The following SLC44A5 variants were observed in gnomAD, a reference collection of about 807,000 sequenced individuals.
The protein encoded by SLC44A5 is solute carrier family 44 member 5.
In SLC44A5, 57 loss-of-function variants were observed where a neutral mutation model predicts 101.8. That is an observed-to-expected ratio of 0.56 (90% CI 0.45 to 0.70). The LOEUF (loss-of-function observed/expected upper bound fraction) is 0.70. SLC44A5 is among the 30% of genes least tolerant of loss of function. The probability of loss-of-function intolerance (pLI) is 0.00; values close to 1 mark genes in which losing one functional copy is unlikely to be tolerated. For missense variants in SLC44A5, 737 were observed against 853.1 expected (o/e 0.86, Z 1.70); for synonymous variants, 281 against 290.9 (o/e 0.97, Z 0.35).
At chr1:75,510,150 A>G (rs577704941) in intron 2 of SLC44A5, among the ~76,000 whole-genome samples, 5 of 152,184 alleles carry the variant, frequency 3.3e-5, no homozygotes, top group Admixed American at 6.5e-5. Context: ...CCCATGAGAC[A>G]TGAGAATTAT....
chr1:75,332,392 C>A (rs187979425), intron 4 of SLC44A5, among the ~76,000 whole-genome samples: 1 of 152,188 alleles, frequency 6.6e-6, no homozygotes, highest in Admixed American at 6.5e-5. Flanking sequence ...TGTTTTAAGT[C>A]ATTTCACTTA....
intron 2 of SLC44A5, among the ~76,000 whole-genome samples, chr1:75,481,587 G>A (rs1309018771): frequency 5.3e-5 from 8 of 151,896 alleles, no homozygotes; most frequent in Non-Finnish European, 1.2e-4. Context: ...ATCAAAAGGT[G>A]GGCGAAGGAC....
chr1:75,569,684 A>G (rs1206801831), intron 1 of SLC44A5, among the ~76,000 whole-genome samples: 1 of 152,172 alleles, frequency 6.6e-6, no homozygotes, highest in East Asian at 1.9e-4. Flanking sequence ...TAAATGCTCA[A>G]AATAATATCA....
At chr1:75,489,329 C>G (rs374001834) in intron 2 of SLC44A5, among the ~76,000 whole-genome samples, 22 of 152,172 alleles carry the variant, frequency 1.4e-4, no homozygotes, top group African/African-American at 5.3e-4. Context: ...ATTTTTGCTC[C>G]TTAACTCTTG....
At chr1:75,483,571 A>C (rs994214386) in intron 2 of SLC44A5, among the ~76,000 whole-genome samples, 1 of 152,208 alleles carries the variant, frequency 6.6e-6, no homozygotes, top group African/African-American at 2.4e-5. Context: ...CCTTCTTTTT[A>C]ATGAAATAAG....
chr1:75,267,291 T>G (rs552155258), intron 6 of SLC44A5, among the ~76,000 whole-genome samples: 2 of 152,298 alleles, frequency 1.3e-5, no homozygotes, highest in South Asian at 2.1e-4. Context: ...AGAATTTGAC[T>G]CCAGGGTACA....
At chr1:75,293,657 C>T (rs997155510) in intron 5 of SLC44A5, among the ~76,000 whole-genome samples, 4 of 152,158 alleles carry the variant, frequency 2.6e-5, no homozygotes, top group African/African-American at 9.7e-5. Flanking sequence ...TTTTTGGAAG[C>T]AGTCCTGTAT....
At chr1:75,697,389 G>C in the SLC44A5 span, among the ~76,000 whole-genome samples, 1 of 152,210 alleles carries the variant, frequency 6.6e-6, no homozygotes, top group African/African-American at 2.4e-5. Flanking sequence ...GCTCAGAAGA[G>C]TTCAGTAATT....
At chr1:75,322,635 A>G (rs1161488167) in intron 4 of SLC44A5, among the ~76,000 whole-genome samples, 1 of 152,198 alleles carries the variant, frequency 6.6e-6, no homozygotes, top group Non-Finnish European at 1.5e-5. Flanking sequence ...ACCAGTCTCA[A>G]CTTCCATTAT....
the SLC44A5 span, among the ~76,000 whole-genome samples, chr1:75,699,710 G>A: frequency 6.6e-6 from 1 of 151,992 alleles, no homozygotes; most frequent in Non-Finnish European, 1.5e-5. Context: ...GACACAGACT[G>A]GCAAATTGGA....
chr1:75,371,525 C>A (rs1412499498), intron 3 of SLC44A5, among the ~76,000 whole-genome samples: 3 of 152,058 alleles, frequency 2.0e-5, no homozygotes, highest in African/African-American at 4.8e-5. Flanking sequence ...TTCAGCCTTT[C>A]CTGATTATCA....
chr1:75,571,717 T>A (rs1475643048), intron 1 of SLC44A5, among the ~76,000 whole-genome samples: 1 of 152,210 alleles, frequency 6.6e-6, no homozygotes, highest in African/African-American at 2.4e-5. Context: ...CCTTTTTGAC[T>A]TAGGTGTATT....
chr1:75,326,353 TC>T (rs1320689015), intron 4 of SLC44A5, among the ~76,000 whole-genome samples: 2 of 151,780 alleles, frequency 1.3e-5, no homozygotes, highest in Non-Finnish European at 1.5e-5. Flanking sequence ...TAAAGCTTTC[TC>T]CTACATTAAA....
At chr1:75,487,040 G>C (rs1030751653) in intron 2 of SLC44A5, among the ~76,000 whole-genome samples, 1 of 152,102 alleles carries the variant, frequency 6.6e-6, no homozygotes, top group Non-Finnish European at 1.5e-5. Context: ...CAATAATAGG[G>C]ATTCTGGAGA....
intron 2 of SLC44A5, among the ~76,000 whole-genome samples, chr1:75,479,211 A>C (rs558902459): frequency 1.3e-5 from 2 of 152,244 alleles, no homozygotes; most frequent in African/African-American, 4.8e-5. Flanking sequence ...AATGAGAACA[A>C]AGACACAACA....
chr1:75,631,036 A>T, the SLC44A5 span, among the ~76,000 whole-genome samples: 1 of 152,198 alleles, frequency 6.6e-6, no homozygotes, highest in African/African-American at 2.4e-5. Context: ...TATTTAGGGT[A>T]TTTGTACCAT....
intron 4 of SLC44A5, among the ~76,000 whole-genome samples, chr1:75,336,580 A>G (rs1657462554): frequency 6.6e-6 from 1 of 152,230 alleles, no homozygotes; most frequent in Admixed American, 6.5e-5. Context: ...AAAACCCGAG[A>G]TGATAATATG....
intron 2 of SLC44A5, among the ~76,000 whole-genome samples, chr1:75,492,060 T>C (rs1211133222): frequency 6.6e-6 from 1 of 152,162 alleles, no homozygotes; most frequent in East Asian, 1.9e-4. Context: ...GTATGTTACC[T>C]GTTTTAATGA....
chr1:75,618,423 C>T, the SLC44A5 span, among the ~76,000 whole-genome samples: 2 of 152,188 alleles, frequency 1.3e-5, no homozygotes, highest in Non-Finnish European at 2.9e-5. Context: ...CCAAGTGTTT[C>T]CCCTATAGCC....
Sources: allele counts gnomAD v4.1 joint callset (sites outside exome capture counted in the v4.1 genomes callset), GRCh38; gene constraint gnomAD v4.1.1; transcripts MANE v1.5; gene names NCBI Gene and HGNC (gene_info 2026-07-23, HGNC 2026-07-21).